DPPA2: variants seen among roughly 807,000 people sequenced by gnomAD.
The protein encoded by DPPA2 is developmental pluripotency-associated protein 2.
Under a neutral mutation model 36.2 loss-of-function variants are expected in DPPA2, and 26 were observed. That is an observed-to-expected ratio of 0.72 (90% confidence interval 0.53 to 1.00). The LOEUF (loss-of-function observed/expected upper bound fraction) is 1.00, where lower values mean the gene tolerates loss of function less well. Among genes scored for constraint, DPPA2 ranks in the 50% least tolerant of loss-of-function variants. The pLI, the probability that DPPA2 is intolerant of heterozygous loss-of-function variation, is 0.00. For synonymous variants in DPPA2, 113 were observed against 123.2 expected (o/e 0.92, Z 0.55); for missense variants, 361 against 365.1 (o/e 0.99, Z 0.09).
At chr3:109,303,035 A>G (rs899986296) in intron 7 of DPPA2, among the ~76,000 whole-genome samples, 1 of 152,088 alleles carries the variant, frequency 6.6e-6, no homozygotes, top group African/African-American at 2.4e-5. Context: ...CCCCAAACTC[A>G]TTTCTCAATA....
Position 109,300,299 on chromosome 3 carries a change from T to C in DPPA2, c.*22+72A>G, listed in dbSNP as rs184118489. 1,179 of 1,236,886 alleles carry C rather than the reference T, an allele frequency of 9.5e-4. 4 individuals are homozygous for C. Among genetic ancestry groups the C allele is most frequent in the Non-Finnish European group, 6.8e-4 (576 of 849,534 alleles). The allele number at this position is 1,236,886 out of a possible 1,614,324, so 76.6% of individuals were successfully genotyped here. On this transcript the variant is annotated intron_variant, in intron 8 of 8. Transcript: ENST00000478945. The stretch of plus-strand genomic sequence containing the variant: ...GGGGGAAGGCAGAGAGTTTCTCTTG[T>C]ATGTGACTCTTTTCAATTGCCTTCA...
intron 3 of DPPA2, among the ~76,000 whole-genome samples, chr3:109,309,704 A>T (rs1016928982): frequency 3.3e-5 from 5 of 151,628 alleles, no homozygotes; most frequent in Admixed American, 6.6e-5. Context: ...CAAAAAAAAA[A>T]TTTTACAAAG....
chr3:109,304,346 G>A, intron 7 of DPPA2, 129 bp downstream of exon 7: 3 of 906,092 alleles, frequency 3.3e-6, no homozygotes, highest in Non-Finnish European at 4.8e-6. Flanking sequence ...TCCTATTTTT[G>A]CCTGATCTAT....
intron 6 of DPPA2, among the ~76,000 whole-genome samples, chr3:109,306,700 T>A (rs1220357620): frequency 6.6e-6 from 1 of 151,534 alleles, no homozygotes; most frequent in African/African-American, 2.4e-5. Context: ...GCGCGGTAGC[T>A]CACGCCTGTA....
intron 3 of DPPA2, among the ~76,000 whole-genome samples, chr3:109,310,920 GCCT>G (rs1707698586): frequency 6.6e-6 from 1 of 152,086 alleles, no homozygotes; most frequent in Non-Finnish European, 1.5e-5. Context: ...TCATGCCTCA[GCCT>G]CCTCAGTAGC....
chr3:109,314,591 G>A, intron 1 of DPPA2, 36 bp from the exon 2 acceptor site: 2 of 1,579,002 alleles, frequency 1.3e-6, no homozygotes, highest in Non-Finnish European at 1.7e-6. Context: ...TAAGGATATG[G>A]TAGTTTACTT....
chr3:109,309,039 G>A lies in DPPA2; in HGVS notation c.383C>T (p.Pro128Leu). 6.2e-7 allele frequency: 1 copy of A among 1,614,174 alleles called. No homozygotes were observed. The change falls in exon 5 of 9, where the codon CCT becomes CTT. Residue 128 changes from proline to leucine, a missense_variant. Transcript: ENST00000478945. Reference sequence around the variant, plus strand: ...CTCATTACTCACTTGCCGTTGTTCAGGGTAAGCATGCCTATGAAGCCTCAG... The same window carrying A: ...CTCATTACTCACTTGCCGTTGTTCAAGGTAAGCATGCCTATGAAGCCTCAG... ...VYLRLHRHAY[P>L]EQRQDMPEMS...
At chr3:109,312,516 A>G in intron 3 of DPPA2, 29 bp downstream of exon 3, 1 of 1,593,408 alleles carries the variant, frequency 6.3e-7, no homozygotes, top group Admixed American at 1.7e-5. Flanking sequence ...TTGTAGGAGT[A>G]ACTAACTGAG....
chr3:109,301,922 T>A lies in DPPA2; in HGVS notation c.855-1487A>T, dbSNP rs541253538. On this transcript the variant is annotated intron_variant, in intron 7 of 8. Coordinates refer to ENST00000478945, the MANE Select transcript of DPPA2 (RefSeq NM_138815.4). The stretch of plus-strand genomic sequence containing the variant: ...ACTGAAATCATATTTTGGCTTCTAC[T>A]GATCCTCTCAATCTACTTTCAAAAA... 6.6e-5 allele frequency among the ~76,000 whole-genome samples: 10 copies of A among 152,284 alleles called. No individual in the cohort carries two copies. In the East Asian group the frequency reaches 1.9e-3, roughly 29 times the overall value.
At chr3:109,309,943 A>G (rs1481499941) in intron 3 of DPPA2, among the ~76,000 whole-genome samples, 2 of 150,666 alleles carry the variant, frequency 1.3e-5, no homozygotes, top group Admixed American at 6.6e-5. Context: ...TTACCTGGGC[A>G]TATGGCCAGG....
intron 8 of DPPA2, among the ~76,000 whole-genome samples, chr3:109,294,401 A>G (rs191939231): frequency 2.6e-5 from 4 of 152,304 alleles, no homozygotes; most frequent in Admixed American, 2.6e-4. Flanking sequence ...TGTGATGTAC[A>G]ATGTGGAAAT....
At chr3:109,295,179 T>C (rs1418630998) in intron 8 of DPPA2, 1 of 152,032 alleles carries the variant, frequency 6.6e-6, no homozygotes, top group Non-Finnish European at 1.5e-5. Flanking sequence ...GTAACAAAAT[T>C]AAGATTGTTT....
At chr3:109,311,086 G>A (rs538680136) in intron 3 of DPPA2, among the ~76,000 whole-genome samples, 33 of 152,246 alleles carry the variant, frequency 2.2e-4, no homozygotes, top group African/African-American at 7.7e-4. Context: ...ATAGGTGTAA[G>A]CCATCATGTC....
intron 3 of DPPA2, among the ~76,000 whole-genome samples, chr3:109,309,558 C>T (rs377016582): frequency 6.6e-6 from 1 of 151,526 alleles, no homozygotes; most frequent in African/African-American, 2.4e-5. Context: ...GGCGTGCTGG[C>T]GGGCGCCTGT....
chr3:109,298,495 A>C (rs968669928), intron 8 of DPPA2, among the ~76,000 whole-genome samples: 4 of 149,362 alleles, frequency 2.7e-5, no homozygotes, highest in Non-Finnish European at 4.5e-5. Context: ...CGGGTGAATC[A>C]CGAGGTCAGG....
intron 7 of DPPA2, among the ~76,000 whole-genome samples, chr3:109,301,415 G>A (rs1485823000): frequency 6.6e-6 from 1 of 152,056 alleles, no homozygotes; most frequent in Non-Finnish European, 1.5e-5. Context: ...ACTTTGGGAG[G>A]CTGAGGCGAG....
At chr3:109,304,450 G>A in intron 7 of DPPA2, 25 bp downstream of exon 7, 1 of 1,577,094 alleles carries the variant, frequency 6.3e-7, no homozygotes, top group Non-Finnish European at 8.6e-7. Context: ...TGTGTGCCAT[G>A]CTTAACAAGA....
chr3:109,296,098 G>C (rs1363246741), intron 8 of DPPA2, among the ~76,000 whole-genome samples: 1 of 152,078 alleles, frequency 6.6e-6, no homozygotes, highest in Non-Finnish European at 1.5e-5. Flanking sequence ...TACCAGAAGA[G>C]AGAAAGGAAT....
chr3:109,312,623 C>T lies in DPPA2; in HGVS notation c.103G>A (p.Ala35Thr), dbSNP rs750894184. Reference sequence around the variant, plus strand: ...CTTGGTTCCATTTGTTCCATATTTGCGTCATCTTTAACTGGCACCAGTGTC... The same window carrying T: ...CTTGGTTCCATTTGTTCCATATTTGTGTCATCTTTAACTGGCACCAGTGTC... ...ILTLVPVKDD[A>T]NMEQMEPSVS... The change falls in exon 3 of 9, where the codon GCA (alanine) becomes ACA (threonine). Residue 35 changes from alanine (A) to threonine (T), a missense_variant. Ala to Thr is a moderately conservative substitution (Grantham distance 58, BLOSUM62 0). Coordinates refer to ENST00000478945, the MANE Select transcript of DPPA2 (RefSeq NM_138815.4). 1.1e-5 allele frequency: 17 copies of T among 1,613,694 alleles called. No homozygotes were observed. The highest frequency in any genetic ancestry group is 5.3e-5 in the African/African-American group (4 of 74,864).
Sources: allele counts gnomAD v4.1 joint callset (sites outside exome capture counted in the v4.1 genomes callset), GRCh38; gene constraint gnomAD v4.1.1; transcripts MANE v1.5; gene names NCBI Gene and HGNC (gene_info 2026-07-23, HGNC 2026-07-21).